The following MCF2L variants were observed in gnomAD, a reference collection of about 807,000 sequenced individuals.
The protein encoded by MCF2L is guanine nucleotide exchange factor DBS.
A neutral mutation model predicts 153.4 loss-of-function variants in MCF2L; 97 were observed. That is an observed-to-expected ratio of 0.63 (90% CI 0.54 to 0.75). The LOEUF is 0.75. Ranked by LOEUF, MCF2L falls within the 30% of genes least tolerant of loss-of-function variation. The pLI is 0.00. For synonymous variants in MCF2L, 659 were observed against 632.2 expected, an observed-to-expected ratio of 1.04 and a Z score of -0.64; for missense variants, 1,347 against 1,495.2, an observed-to-expected ratio of 0.90 and a Z score of 1.64.
At chr13:112,903,351 C>T (rs1233511212) in intron 2 of MCF2L, among the ~76,000 whole-genome samples, 1 of 152,254 alleles carries the variant, frequency 6.6e-6, no homozygotes, top group Non-Finnish European at 1.5e-5. Context: ...GAGACTTTCG[C>T]ATTCAGAGTC....
intron 1 of MCF2L, among the ~76,000 whole-genome samples, chr13:112,998,468 G>A (rs1450468145): frequency 6.6e-6 from 1 of 152,192 alleles, no homozygotes; most frequent in Non-Finnish European, 1.5e-5. Context: ...CAAGGAGGCT[G>A]GAGTGATTGG....
At chr13:112,964,610 C>T (rs1468077027), upstream of MCF2L, among the ~76,000 whole-genome samples, 1 of 152,228 alleles carries the variant, frequency 6.6e-6, no homozygotes, top group Non-Finnish European at 1.5e-5. Flanking sequence ...AATGATTTGC[C>T]TGTGTGTTTC....
chr13:113,001,720 A>G (rs2083386029), intron 1 of MCF2L: 6 of 1,361,134 alleles, frequency 4.4e-6, no homozygotes, highest in Non-Finnish European at 5.6e-6. Context: ...AATCAGGGAC[A>G]TCGAATCGGA....
At chr13:112,979,360 C>T in intron 1 of MCF2L, 1 of 1,315,468 alleles carries the variant, frequency 7.6e-7, no homozygotes, top group South Asian at 1.8e-5. Context: ...TCTCTAGCAC[C>T]TCGGCATTGT....
chr13:113,071,969 G>T (rs1354915462), intron 9 of MCF2L, among the ~76,000 whole-genome samples: 3 of 152,186 alleles, frequency 2.0e-5, no homozygotes, highest in Non-Finnish European at 4.4e-5. Flanking sequence ...TGTCTTTACT[G>T]TGTTGACTCT....
At position 113,014,182 on chromosome 13, in the gene MCF2L, G is replaced by T. The variant is rs573480497; in HGVS notation, c.80-581G>T. Among the ~76,000 whole-genome samples, 4 of 152,218 alleles carry T rather than the reference G, an allele frequency of 2.6e-5. No homozygotes were observed. The South Asian group carries it at 6.2e-4, about 24-fold the overall frequency. ...CAGAGCCATCTGGAACCTGCTGGGT[G>T]GGGGGATGGGTGTGGGGGTCGACCC... On this transcript the variant is annotated intron_variant, in intron 1 of 29. Transcript: ENST00000535094.
In MCF2L at chr13:113,027,217, T is replaced by C; in HGVS notation, c.278+2459T>C. ...ACAACAGCGCACTGGGCCTGGTAAC[T>C]GAGAGCTCAGCCCGTCGGCCTGACC... is the stretch of plus-strand genomic sequence containing the variant. On this transcript the variant is annotated intron_variant, in intron 3 of 29. Coordinates refer to ENST00000535094, the MANE Select transcript of MCF2L (RefSeq NM_001112732.3). The surrounding 1 kb of genome is among the most constrained non-coding windows in gnomAD (Gnocchi z 4.8). 1 of 601,250 alleles carries C rather than the reference T, an allele frequency of 1.7e-6. No individual in the cohort carries two copies. The highest frequency in any genetic ancestry group is 3.0e-6 in the Non-Finnish European group (1 of 330,704). The allele number at this position is 601,250 out of a possible 1,614,324, so 37.2% of individuals were successfully genotyped here.
chr13:112,998,420 C>T (rs569397558), intron 1 of MCF2L, among the ~76,000 whole-genome samples: 2 of 152,104 alleles, frequency 1.3e-5, no homozygotes, highest in Non-Finnish European at 2.9e-5. Flanking sequence ...GGGCTGGGGA[C>T]ATTTCTGGAG....
chr13:113,057,684 G>A (rs373249416), intron 4 of MCF2L, among the ~76,000 whole-genome samples: 2,250 of 146,696 alleles, frequency 0.015, 50 homozygotes, highest in African/African-American at 0.054. Context: ...CTGAGTGTTG[G>A]GTGCTGAGTG....
In MCF2L at chr13:112,953,305, C is replaced by A. The variant is rs73574908; in HGVS notation, c.169+50934C>A. On this transcript the variant is annotated intron_variant, in intron 2 of 29. Transcript: ENST00000375608. ...GTCCTCCTCCTCCAGCCCCCATGGA[C>A]AAAGGGTGGGTGGGGTTGCCTGGCC... 8.7e-3 allele frequency among the ~76,000 whole-genome samples: 1,319 copies of A among 152,292 alleles called. 25 individuals are homozygous for A. Among genetic ancestry groups the A allele is most frequent in the African/African-American group, 0.03 (1,239 of 41,558 alleles).
In MCF2L at chr13:113,087,479, C is replaced by T. The variant is rs12100027; in HGVS notation, c.2595+23C>T. Reference sequence around the variant, plus strand: ...AACGTAAGTGAGGCCGGGTCTGCAGCAGCACGCTCCTGGCCACAGACCCCG... The same window carrying T: ...AACGTAAGTGAGGCCGGGTCTGCAGTAGCACGCTCCTGGCCACAGACCCCG... On this transcript the variant is annotated intron_variant, in intron 22 of 29. Coordinates refer to ENST00000535094, the MANE Select transcript of MCF2L (RefSeq NM_001112732.3). 702 of 1,558,524 alleles carry T rather than the reference C, an allele frequency of 4.5e-4. 3 individuals are homozygous for T. In the African/African-American group the frequency reaches 8.9e-3, roughly 20 times the overall value.
At chr13:113,022,843 G>T (rs938242783) in intron 2 of MCF2L, among the ~76,000 whole-genome samples, 2 of 152,172 alleles carry the variant, frequency 1.3e-5, no homozygotes, top group Admixed American at 6.5e-5. Flanking sequence ...TCACTCCAGG[G>T]CCTCTTATCA....
Position 113,031,866 on chromosome 13 carries a change from CCACACACA to C in MCF2L, c.278+7125_278+7132del, listed in dbSNP as rs56360016. On this transcript the variant is annotated intron_variant, in intron 3 of 29. Coordinates refer to ENST00000535094, the MANE Select transcript of MCF2L (RefSeq NM_001112732.3). The surrounding 1 kb of genome is among the most constrained non-coding windows in gnomAD (Gnocchi z 5.5). ...ACGCACCTACACAGGCTTGCACATGCCACACACACACACACACACACACAGATGCACGC... is the reference window on the plus strand; with the variant it reads ...ACGCACCTACACAGGCTTGCACATGCCACACACACACACACAGATGCACGC... Among the ~76,000 whole-genome samples, 30,035 of 150,372 alleles carry C rather than the reference CCACACACA, an allele frequency of 0.2. 3,244 individuals carry two copies. Among genetic ancestry groups the C allele is most frequent in the East Asian group, 0.49 (2,466 of 5,054 alleles).
chr13:112,969,666 C>A lies in MCF2L; in HGVS notation c.79+208C>A. ...CTGCCCGGGATAGTCAAAATGACTG[C>A]ACGTTGGTGACACTGGCTCTCTCAG... On this transcript the variant is annotated intron_variant, in intron 1 of 29. Transcript: ENST00000535094. This position sits in a 1 kb window ranked among gnomAD's most constrained non-coding sequence, Gnocchi z 4.8. 2.5e-6 allele frequency: 1 copy of A among 403,014 alleles called. No individual in the cohort carries two copies. The highest frequency in any genetic ancestry group is 3.4e-6 in the Non-Finnish European group (1 of 297,448). 25.0% of individuals were successfully genotyped at this position (403,014 alleles called of 1,614,324 possible).
At chr13:112,987,673 C>T (rs978892946) in intron 1 of MCF2L, among the ~76,000 whole-genome samples, 5 of 152,214 alleles carry the variant, frequency 3.3e-5, no homozygotes, top group Admixed American at 6.5e-5. Flanking sequence ...GGTCTTTGCA[C>T]GGTGGTGAGA....
In MCF2L at chr13:113,077,221, G is replaced by A. The variant is rs777666595; in HGVS notation, c.1660+10G>A. The A allele has an allele frequency of 6.5e-7, 1 of 1,540,086 alleles. No individual in the cohort carries two copies. The highest frequency in any genetic ancestry group is 2.4e-5 in the East Asian group (1 of 41,652). On this transcript the variant is annotated intron_variant, in intron 13 of 29. Transcript: ENST00000535094. ...CCCTGCCCCTCCCCAGGTCTGTGTG[G>A]CCGCCCGGTGCCCCGGGTGCTGTGG...
intron 3 of MCF2L, among the ~76,000 whole-genome samples, chr13:113,025,808 G>T (rs1162142818): frequency 7.0e-6 from 1 of 143,834 alleles, no homozygotes; most frequent in African/African-American, 2.6e-5. Flanking sequence ...TGGGGTCCCC[G>T]TGACTGTGGG....
chr13:113,007,548 T>TG (rs1297643717), intron 1 of MCF2L, among the ~76,000 whole-genome samples: 1 of 152,258 alleles, frequency 6.6e-6, no homozygotes, highest in Non-Finnish European at 1.5e-5. Flanking sequence ...CACTGGGCTT[T>TG]GTTGGCGATT....
chr13:113,094,628 A>G lies in MCF2L; in HGVS notation c.3068A>G (p.Lys1023Arg), dbSNP rs1355297444. ...GAGGAGGACGGCGGGTTGGGCCCCAAGAAGCTGGTAACCACGGCTTCCCTG... is the reference window on the plus strand; with the variant it reads ...GAGGAGGACGGCGGGTTGGGCCCCAGGAAGCTGGTAACCACGGCTTCCCTG... ...DAEEDGGLGP[K>R]KLVPGKYTVV... is the part of the protein sequence containing the mutation. The change falls in exon 27 of 30, where the codon AAG becomes AGG. Residue 1023 changes from lysine (K) to arginine (R), a missense_variant. Around this residue, in one of 3 missense-constraint regions of MCF2L, gnomAD observed 383 missense variants for 335.4 expected, o/e 1.14. Transcript: ENST00000535094. 6.2e-7 allele frequency: 1 copy of G among 1,610,156 alleles called. No individual in the cohort carries two copies. The highest frequency in any genetic ancestry group is 8.5e-7 in the Non-Finnish European group (1 of 1,178,846).
Sources: gnomAD v4.1 joint callset for allele counts (sites outside exome capture counted in the v4.1 genomes callset) on GRCh38, gnomAD v4.1.1 for gene constraint, gnomAD v4.1.1 regional missense constraint, Gnocchi (gnomAD v3.1) non-coding constraint, MANE v1.5 for transcripts, NCBI Gene and HGNC (gene_info 2026-07-23, HGNC 2026-07-21) for gene names.